The following PSMD13 variants were observed in gnomAD, a reference collection of about 807,000 sequenced individuals.
PSMD13 encodes the protein 26S proteasome non-ATPase regulatory subunit 13.
A neutral mutation model predicts 57.4 loss-of-function variants in PSMD13; 8 were observed. The observed-to-expected ratio is 0.14, with a 90% CI of 0.08 to 0.25. The LOEUF is 0.25. PSMD13 is among the 10% of genes least tolerant of loss of function. The pLI is 1.00. For missense variants in PSMD13, 400 were observed against 461.5 expected (o/e 0.87, Z 1.22); for synonymous variants, 193 against 168.2 (o/e 1.15, Z -1.14).
At chr11:241,499 A>G (rs557058379) in intron 2 of PSMD13, among the ~76,000 whole-genome samples, 10 of 152,162 alleles carry the variant, frequency 6.6e-5, no homozygotes, top group African/African-American at 2.4e-4. Flanking sequence ...TGTAATTGCT[A>G]CAGGGGTGTT....
intron 1 of PSMD13, among the ~76,000 whole-genome samples, chr11:237,888 TCTC>T (rs776106037): frequency 3.3e-5 from 5 of 152,230 alleles, no homozygotes; most frequent in Non-Finnish European, 5.9e-5. Context: ...AGAAAATACA[TCTC>T]CTGTAGTAAC....
intron 2 of PSMD13, among the ~76,000 whole-genome samples, chr11:243,786 C>CT (rs963633150): frequency 5.2e-4 from 79 of 152,320 alleles, no homozygotes; most frequent in African/African-American, 1.5e-3. Context: ...GGTCAGTACT[C>CT]TAATTCCCAA....
intron 1 of PSMD13, among the ~76,000 whole-genome samples, chr11:238,082 G>A (rs537989335): frequency 6.6e-6 from 1 of 152,320 alleles, no homozygotes; most frequent in East Asian, 1.9e-4. Flanking sequence ...TTTTATCTGC[G>A]TTATTAAATA....
At chr11:245,481 T>C (rs191539665) in intron 6 of PSMD13, among the ~76,000 whole-genome samples, 5 of 152,354 alleles carry the variant, frequency 3.3e-5, no homozygotes, top group Admixed American at 2.0e-4. Context: ...TCACGTGCTA[T>C]TTCTCCATCT....
At chr11:240,252 G>A (rs1859487763) in intron 2 of PSMD13, among the ~76,000 whole-genome samples, 1 of 151,888 alleles carries the variant, frequency 6.6e-6, no homozygotes, top group African/African-American at 2.4e-5. Context: ...TGGGATTACA[G>A]GTGCCCACCA....
At chr11:247,584 C>G in intron 7 of PSMD13, 136 bp downstream of exon 7, 9 of 974,222 alleles carry the variant, frequency 9.2e-6, no homozygotes, top group Non-Finnish European at 1.3e-5. Context: ...GTAATCCCAG[C>G]ACTTTGGAAG....
At chr11:249,658 T>C in intron 9 of PSMD13, among the ~76,000 whole-genome samples, 1 of 151,226 alleles carries the variant, frequency 6.6e-6, no homozygotes, top group Non-Finnish European at 1.5e-5. Context: ...CCAATTCACC[T>C]CAGTGCAAGG....
chr11:248,936 T>C lies in PSMD13; in HGVS notation c.653T>C (p.Met218Thr), dbSNP rs1379115732. 2 of 1,614,208 alleles carry C rather than the reference T, an allele frequency of 1.2e-6. No individual in the cohort carries two copies. Among genetic ancestry groups the C allele is most frequent in the Non-Finnish European group, 1.7e-6 (2 of 1,180,020 alleles). Residue 218 changes from methionine (M) to threonine (T), a missense_variant, in exon 9 of 13, where the codon ATG becomes ACG. Coordinates refer to ENST00000532097, the MANE Select transcript of PSMD13 (RefSeq NM_002817.4). ...TGACCATCTCCATCCTCACAGCTCA[T>C]GCACCCTGTGCTGGAGTCCCTGAGG... ...EGVFNFGELL[M>T]HPVLESLRNT...
chr11:247,246 A>C, intron 6 of PSMD13, 31 bp from the exon 7 acceptor site: 1 of 1,584,424 alleles, frequency 6.3e-7, no homozygotes, highest in Non-Finnish European at 8.6e-7. Context: ...TTTAACTTAA[A>C]AAGAGAGATG....
At chr11:244,548 G>C in intron 5 of PSMD13, 79 bp downstream of exon 5, 5 of 1,525,352 alleles carry the variant, frequency 3.3e-6, no homozygotes, top group South Asian at 2.3e-5. Flanking sequence ...CATGCTCACT[G>C]TCCAGACCTT....
rs199698555 is a variant in PSMD13, at chr11:252,565, C to A, written c.1096C>A (p.Leu366Met). 3.0e-5 allele frequency: 48 copies of A among 1,614,024 alleles called. No individual in the cohort carries two copies. The highest frequency in any genetic ancestry group is 1.3e-4 in the Admixed American group (8 of 60,006). The change falls in exon 13 of 13, where the codon CTG becomes ATG. Residue 366 changes from leucine to methionine, a missense_variant. By Grantham distance (15) the Leu-to-Met change is conservative (BLOSUM62 2). Coordinates refer to ENST00000532097, the MANE Select transcript of PSMD13 (RefSeq NM_002817.4). This position sits in a 1 kb window ranked among gnomAD's most constrained non-coding sequence, Gnocchi z 4.1. Reference protein sequence around the residue: ...WCTDVKSMEMLVEHQAHDILT With the variant: ...WCTDVKSMEMMVEHQAHDILT ...CACGGATGTGAAGAGCATGGAGATG[C>A]TGGTGGAGCACCAGGCCCATGACAT...
Position 238,984 on chromosome 11 carries a change from TG to T in PSMD13, c.96-13del. ...ATATTAGGTTAGAGGTCTTAAGGGC[TG>T]TATGTTTTTCAGGTTGTGGCATCAG... On this transcript the variant is annotated splice_polypyrimidine_tract_variant and intron_variant, in intron 1 of 12. Transcript: ENST00000532097. The T allele has an allele frequency of 1.2e-6, 2 of 1,612,978 alleles. No individual in the cohort carries two copies. The highest frequency in any genetic ancestry group is 1.7e-6 in the Non-Finnish European group (2 of 1,178,924).
chr11:250,712 C>A, intron 9 of PSMD13, 91 bp from the exon 10 acceptor site: 1 of 1,191,090 alleles, frequency 8.4e-7, no homozygotes, highest in Non-Finnish European at 1.2e-6. Flanking sequence ...TTTGTTGGGT[C>A]TACTGTTATA....
At chr11:245,682 T>TG (rs1564822069) in intron 6 of PSMD13, among the ~76,000 whole-genome samples, 7 of 61,784 alleles carry the variant, frequency 1.1e-4, no homozygotes, top group African/African-American at 2.1e-4. Flanking sequence ...GTGTGTGTGT[T>TG]TGCATGTGTG....
In PSMD13 at chr11:251,403, A is replaced by G. The variant is rs1208523525; in HGVS notation, c.838-143A>G. The G allele has an allele frequency of 4.4e-6, 3 of 687,280 alleles. No individual in the cohort carries two copies. Among genetic ancestry groups the G allele is most frequent in the East Asian group, 2.7e-5 (1 of 36,590 alleles). 42.6% of individuals were successfully genotyped at this position (687,280 alleles called of 1,614,324 possible). On this transcript the variant is annotated intron_variant, in intron 10 of 12. Transcript: ENST00000532097. This position sits in a 1 kb window ranked among gnomAD's most constrained non-coding sequence, Gnocchi z 4.6. ...TAAAAGCTTGTTCTTAACAAGATAT[A>G]TGTCTAATATTAGGAAACTTTTTAG...
intron 10 of PSMD13, 64 bp downstream of exon 10, chr11:250,929 C>A: frequency 1.4e-6 from 2 of 1,424,020 alleles, no homozygotes; most frequent in Non-Finnish European, 2.0e-6. Flanking sequence ...GGGGGCGCTG[C>A]ACTCTCCAAG....
Position 237,073 on chromosome 11 carries a change from A to G in PSMD13, c.24A>G (p.Leu8=), listed in dbSNP as rs757762557. Residue 8 remains leucine, a synonymous_variant, in exon 1 of 13, where the codon CTA becomes CTG. Transcript: ENST00000532097. MKDVPGF[L]QQSQNSGPGQ... ...TCATGAAGGACGTACCGGGCTTCCTACAGCAGAGCCAGAACTCCGGGCCCG... is the reference window on the plus strand; with the variant it reads ...TCATGAAGGACGTACCGGGCTTCCTGCAGCAGAGCCAGAACTCCGGGCCCG... 1.2e-6 allele frequency: 2 copies of G among 1,613,922 alleles called. No individual in the cohort carries two copies. Among genetic ancestry groups the G allele is most frequent in the South Asian group, 2.2e-5 (2 of 91,068 alleles).
At chr11:249,131 G>A (rs11601356) in intron 9 of PSMD13, 74 bp downstream of exon 9, 319,091 of 1,580,762 alleles carry the variant, frequency 0.2, 35,561 homozygotes, top group Non-Finnish European at 0.23. Context: ...TTCATTGAGC[G>A]TCTTCCCTAG....
At chr11:250,428 G>C (rs557115131) in intron 9 of PSMD13, among the ~76,000 whole-genome samples, 6 of 152,330 alleles carry the variant, frequency 3.9e-5, no homozygotes, top group African/African-American at 1.4e-4. Flanking sequence ...GCCGGCAGCA[G>C]CCCTTGAAAG....
Sources: allele counts gnomAD v4.1 joint callset (sites outside exome capture counted in the v4.1 genomes callset), GRCh38; gene constraint gnomAD v4.1.1; non-coding constraint Gnocchi (gnomAD v3.1); transcripts MANE v1.5; gene names NCBI Gene and HGNC (gene_info 2026-07-23, HGNC 2026-07-21).